Variants in TMCO4 observed in about 807,000 individuals in gnomAD.
The protein encoded by TMCO4 is transmembrane and coiled-coil domains 4, also known as transmembrane and coiled-coil domain-containing protein 4.
A neutral mutation model predicts 64.7 loss-of-function variants in TMCO4; 58 were observed. That is an observed-to-expected ratio of 0.90 (90% CI 0.73 to 1.12). The LOEUF is 1.12. Ranked by LOEUF, TMCO4 falls within the 50% of genes most tolerant of loss-of-function variation. The pLI is 0.00. For synonymous variants in TMCO4, 325 were observed against 346.1 expected (o/e 0.94, Z 0.68); for missense variants, 780 against 825.9 (o/e 0.94, Z 0.68).
chr1:19,759,731 A>C (rs1036257940), intron 6 of TMCO4, among the ~76,000 whole-genome samples: 7 of 152,216 alleles, frequency 4.6e-5, no homozygotes, highest in African/African-American at 1.7e-4. Context: ...CTCCTGAATC[A>C]GAACAGCTCA....
rs775434690 is a variant in TMCO4, at chr1:19,694,499, CACG to C, written c.1432_1434del (p.Arg478del). The C allele has an allele frequency of 4.3e-6, 7 of 1,614,084 alleles. No individual in the cohort carries two copies. In the South Asian group the frequency reaches 7.7e-5, roughly 18 times the overall value. On this transcript the variant is annotated inframe_deletion, in exon 15 of 16. Transcript: ENST00000294543. ...AGCAGCACGGGCTGTAGGCCGGCGA[CACG>C]GAGCTGCACCGAGGATGTGCGGTAC... is the stretch of plus-strand genomic sequence containing the variant.
At chr1:19,791,797 G>A (rs193188122) in intron 2 of TMCO4, among the ~76,000 whole-genome samples, 2 of 152,294 alleles carry the variant, frequency 1.3e-5, no homozygotes, top group South Asian at 2.1e-4. Flanking sequence ...CCCAGCTCCC[G>A]GTAGCCTCCT....
chr1:19,707,428 G>C (rs529743701), intron 13 of TMCO4, among the ~76,000 whole-genome samples: 1 of 152,364 alleles, frequency 6.6e-6, no homozygotes, highest in East Asian at 1.9e-4. Flanking sequence ...TTTGAGACCA[G>C]TCTGGCCAAC....
chr1:19,744,931 A>AT (rs1459983631), intron 10 of TMCO4, among the ~76,000 whole-genome samples: 1 of 152,172 alleles, frequency 6.6e-6, no homozygotes, highest in East Asian at 1.9e-4. Context: ...GACCTGGTTC[A>AT]GTATATGACA....
At chr1:19,782,952 T>C (rs2043560951) in intron 3 of TMCO4, among the ~76,000 whole-genome samples, 1 of 152,162 alleles carries the variant, frequency 6.6e-6, no homozygotes, top group Non-Finnish European at 1.5e-5. Flanking sequence ...GTGTCAGTAG[T>C]AAAGGACACA....
Position 19,732,123 on chromosome 1 carries a change from TG to T in TMCO4, c.1264+5248del, listed in dbSNP as rs1486992662. Among the ~76,000 whole-genome samples, 1 of 152,110 alleles carries T rather than the reference TG, an allele frequency of 6.6e-6. No homozygotes were observed. The highest frequency in any genetic ancestry group is 1.5e-5 in the Non-Finnish European group (1 of 68,022). ...ACAGAGAGAGCTGGCTACATGTCTG[TG>T]AATGTGCGCACACCTGCTGCTCACA... is the stretch of plus-strand genomic sequence containing the variant. On this transcript the variant is annotated intron_variant, in intron 13 of 15. Coordinates refer to ENST00000294543, the MANE Select transcript of TMCO4 (RefSeq NM_181719.7). The surrounding 1 kb of genome is among the most constrained non-coding windows in gnomAD (Gnocchi z 4.8).
At position 19,683,216 on chromosome 1, in the gene TMCO4, T is replaced by C. The variant is rs1461053302; in HGVS notation, c.1729A>G (p.Thr577Ala). 21 of 1,614,068 alleles carry C rather than the reference T, an allele frequency of 1.3e-5. No homozygotes were observed. The highest frequency in any genetic ancestry group is 8.5e-7 in the Non-Finnish European group (1 of 1,180,022). The change falls in exon 16 of 16, where the codon ACA (threonine) becomes GCA (alanine). Residue 577 changes from threonine (T) to alanine (A), a missense_variant. Transcript: ENST00000294543. ...GGCACCTGGGCTTGGCTGGGGTCTG[T>C]GGACATGGCCAATTTGGAGGTGTCT... ...SGDTSKLAMS[T>A]DPSQAQVPVG...
intron 7 of TMCO4, among the ~76,000 whole-genome samples, chr1:19,754,867 G>T (rs2042173120): frequency 6.6e-6 from 1 of 152,182 alleles, no homozygotes; most frequent in Non-Finnish European, 1.5e-5. Flanking sequence ...ATAATGCGCA[G>T]ACATTCATTC....
intron 6 of TMCO4, among the ~76,000 whole-genome samples, chr1:19,760,061 C>G (rs2042429806): frequency 6.6e-6 from 1 of 152,174 alleles, no homozygotes; most frequent in Non-Finnish European, 1.5e-5. Context: ...GTCCTGCTCC[C>G]CCAGGGGACT....
rs116491975 is a variant in TMCO4, at chr1:19,796,222, G to A, written c.-101+1915C>T. ...TCACAGAAGCGGAGGTCACACAGCT[G>A]GCAAGTCCTAGGATGCTCCTTCCAG... On this transcript the variant is annotated intron_variant, in intron 2 of 15. Coordinates refer to ENST00000294543, the MANE Select transcript of TMCO4 (RefSeq NM_181719.7). Among the ~76,000 whole-genome samples, 363 of 152,294 alleles carry A rather than the reference G, an allele frequency of 2.4e-3. 1 individual carries two copies. The highest frequency in any genetic ancestry group is 8.2e-3 in the African/African-American group (342 of 41,556).
chr1:19,783,146 T>C (rs2043570291), intron 3 of TMCO4, among the ~76,000 whole-genome samples: 1 of 152,238 alleles, frequency 6.6e-6, no homozygotes, highest in Non-Finnish European at 1.5e-5. Context: ...ATTACTGAGT[T>C]ATTACTGGGT....
At chr1:19,693,370 CT>C (rs1372508583) in intron 15 of TMCO4, among the ~76,000 whole-genome samples, 1 of 152,014 alleles carries the variant, frequency 6.6e-6, no homozygotes, top group Admixed American at 6.6e-5. Context: ...GTAATCCCCG[CT>C]ACTCGGGACA....
At chr1:19,686,706 C>G (rs1388206582) in intron 15 of TMCO4, among the ~76,000 whole-genome samples, 1 of 152,152 alleles carries the variant, frequency 6.6e-6, no homozygotes, top group African/African-American at 2.4e-5. Flanking sequence ...GGCTGCAGGG[C>G]CTGAGAAGGA....
intron 15 of TMCO4, among the ~76,000 whole-genome samples, chr1:19,690,469 G>A (rs1207004781): frequency 6.6e-6 from 1 of 152,242 alleles, no homozygotes; most frequent in Non-Finnish European, 1.5e-5. Flanking sequence ...CAACACGCCT[G>A]GTCTGGCCAC....
intron 7 of TMCO4, among the ~76,000 whole-genome samples, chr1:19,748,816 C>A (rs545295025): frequency 6.9e-6 from 1 of 144,194 alleles, no homozygotes; most frequent in Admixed American, 7.1e-5. Context: ...AGAGTGAGAC[C>A]CTGTCTCGAA....
intron 13 of TMCO4, among the ~76,000 whole-genome samples, chr1:19,717,538 C>T (rs1019962449): frequency 5.3e-5 from 8 of 152,226 alleles, no homozygotes; most frequent in African/African-American, 1.7e-4. Context: ...ATTTTGGACC[C>T]TGTTCATCTC....
intron 10 of TMCO4, among the ~76,000 whole-genome samples, chr1:19,744,040 A>G (rs1262078349): frequency 6.6e-6 from 1 of 152,122 alleles, no homozygotes; most frequent in East Asian, 1.9e-4. Context: ...ACACCTCTAA[A>G]TGTTTCTCAC....
At chr1:19,719,598 A>T (rs1485482978) in intron 13 of TMCO4, among the ~76,000 whole-genome samples, 1 of 152,108 alleles carries the variant, frequency 6.6e-6, no homozygotes, top group Non-Finnish European at 1.5e-5. Flanking sequence ...GTGCGATCAT[A>T]GCCTGCTGCA....
chr1:19,796,398 T>C (rs1332767080), intron 2 of TMCO4, among the ~76,000 whole-genome samples: 1 of 151,990 alleles, frequency 6.6e-6, no homozygotes, highest in African/African-American at 2.4e-5. Flanking sequence ...CCACCTCTCC[T>C]TGGACATAAT....
Sources: gnomAD v4.1 joint callset for allele counts (sites outside exome capture counted in the v4.1 genomes callset) on GRCh38, gnomAD v4.1.1 for gene constraint, Gnocchi (gnomAD v3.1) non-coding constraint, MANE v1.5 for transcripts, NCBI Gene and HGNC (gene_info 2026-07-23, HGNC 2026-07-21) for gene names.